NTRK2: variants seen among roughly 807,000 people sequenced by gnomAD.
NTRK2 encodes BDNF/NT-3 growth factors receptor.
Under a neutral mutation model 94.5 loss-of-function variants are expected in NTRK2, and 13 were observed. That is an observed-to-expected ratio of 0.14 (90% CI 0.09 to 0.22). The LOEUF (loss-of-function observed/expected upper bound fraction) is 0.22. NTRK2 is among the 10% of genes least tolerant of loss of function. The pLI is 1.00. For missense variants in NTRK2, 639 were observed against 1,071.2 expected (o/e 0.60, Z 5.63); for synonymous variants, 372 against 407.4 (o/e 0.91, Z 1.05).
At chr9:84,922,627 C>T (rs2077604823) in intron 14 of NTRK2, among the ~76,000 whole-genome samples, 1 of 152,102 alleles carries the variant, frequency 6.6e-6, no homozygotes, top group Non-Finnish European at 1.5e-5. Context: ...TACTACATCC[C>T]CAAAATGGGG....
chr9:84,792,194 AC>A (rs1394358827), intron 12 of NTRK2, among the ~76,000 whole-genome samples: 1 of 152,220 alleles, frequency 6.6e-6, no homozygotes, highest in African/African-American at 2.4e-5. Context: ...GTAGATCATG[AC>A]CCTTAATACA....
intron 14 of NTRK2, chr9:84,875,935 A>T: frequency 9.6e-7 from 1 of 1,037,930 alleles, no homozygotes; most frequent in Non-Finnish European, 1.2e-6. Context: ...AGTTCCTGTG[A>T]TGTAAGAGAT....
intron 6 of NTRK2, among the ~76,000 whole-genome samples, chr9:84,714,974 C>A (rs1226628672): frequency 6.6e-6 from 1 of 152,126 alleles, no homozygotes; most frequent in Non-Finnish European, 1.5e-5. Flanking sequence ...AAAAGAAGAG[C>A]TGCTGAGATT....
intron 14 of NTRK2, among the ~76,000 whole-genome samples, chr9:84,897,860 G>T (rs888469418): frequency 1.3e-5 from 2 of 152,114 alleles, no homozygotes; most frequent in Admixed American, 6.5e-5. Flanking sequence ...AACTGAAAAG[G>T]CCTGTGAGCA....
At chr9:84,772,766 G>A (rs2066680009) in intron 12 of NTRK2, among the ~76,000 whole-genome samples, 1 of 152,164 alleles carries the variant, frequency 6.6e-6, no homozygotes, top group Admixed American at 6.5e-5. Flanking sequence ...AGAGATCTCT[G>A]CACAGACGAG....
At chr9:84,975,793 C>CACAAT (rs139678037) in intron 17 of NTRK2, among the ~76,000 whole-genome samples, 15,463 of 152,000 alleles carry the variant, frequency 0.1, 1,044 homozygotes, top group East Asian at 0.37. Context: ...ATTGTATTCA[C>CACAAT]ACAATACAAT....
At position 84,870,331 on chromosome 9, in the gene NTRK2, G is replaced by GTGTGTGTGTGTGTATA. The variant is rs1349303529; in HGVS notation, c.1633+2901_1633+2902insGTGTGTGTGTGTATAT. On this transcript the variant is annotated intron_variant, in intron 14 of 18. Transcript: ENST00000277120. ...ATACATATATGTGGGGTGTGTGTGT[G>GTGTGTGTGTGTGTATA]TATATATATATATATATATATATAT... is the stretch of plus-strand genomic sequence containing the variant. Among the ~76,000 whole-genome samples the GTGTGTGTGTGTGTATA allele has an allele frequency of 4.2e-4, 13 of 31,180 alleles. 1 individual carries two copies. Among genetic ancestry groups the GTGTGTGTGTGTGTATA allele is most frequent in the Admixed American group, 1.1e-3 (2 of 1,778 alleles). 20.5% of individuals were successfully genotyped at this position (31,180 alleles called of 152,430 possible). A position where few individuals can be genotyped will look rare whatever the true frequency, so the allele number is the denominator to read the frequency against.
At chr9:84,941,347 T>C (rs2078402018) in intron 15 of NTRK2, among the ~76,000 whole-genome samples, 1 of 152,242 alleles carries the variant, frequency 6.6e-6, no homozygotes, top group Non-Finnish European at 1.5e-5. Context: ...TCCCAGTAAT[T>C]TCAACTTTAG....
chr9:84,744,316 G>GTGGATC lies in NTRK2; in HGVS notation c.1196-655_1196-650dup, dbSNP rs1199932437. Among the ~76,000 whole-genome samples, 12 of 152,306 alleles carry GTGGATC rather than the reference G, an allele frequency of 7.9e-5. No individual in the cohort carries two copies. The South Asian group carries it at 2.5e-3, about 32-fold the overall frequency. On this transcript the variant is annotated intron_variant, in intron 10 of 18. Transcript: ENST00000277120. ...GAGCGTTAACAATTCTAAGTATTGTGTGGATCTACCTTTTAATCATTCTGA... is the reference window on the plus strand; with the variant it reads ...GAGCGTTAACAATTCTAAGTATTGTGTGGATCTGGATCTACCTTTTAATCATTCTGA...
chr9:84,776,394 A>T (rs1325774617), intron 12 of NTRK2, among the ~76,000 whole-genome samples: 1 of 151,888 alleles, frequency 6.6e-6, no homozygotes, highest in Non-Finnish European at 1.5e-5. Context: ...GCTAATTTTT[A>T]TATTTTTAGT....
chr9:84,831,481 G>T (rs184155149), intron 12 of NTRK2, among the ~76,000 whole-genome samples: 1 of 152,152 alleles, frequency 6.6e-6, no homozygotes, highest in South Asian at 2.1e-4. Flanking sequence ...TATGCCCGTG[G>T]TACATTGGTG....
chr9:84,842,269 C>T (rs1233434434), intron 12 of NTRK2, among the ~76,000 whole-genome samples: 2 of 152,192 alleles, frequency 1.3e-5, no homozygotes, highest in Non-Finnish European at 2.9e-5. Context: ...CTTTACTCTT[C>T]ACCCTCCTGA....
intron 9 of NTRK2, among the ~76,000 whole-genome samples, chr9:84,731,809 A>G (rs2062911488): frequency 6.6e-6 from 1 of 152,068 alleles, no homozygotes; most frequent in Non-Finnish European, 1.5e-5. Flanking sequence ...CCAGCAAACC[A>G]AGATCCCCGT....
chr9:85,000,947 T>G (rs1307970910), intron 17 of NTRK2, among the ~76,000 whole-genome samples: 1 of 152,256 alleles, frequency 6.6e-6, no homozygotes, highest in Non-Finnish European at 1.5e-5. Flanking sequence ...TTCTGGATTT[T>G]AGCCATTCTA....
chr9:84,961,873 C>A (rs1032314704), intron 17 of NTRK2, among the ~76,000 whole-genome samples: 1 of 152,164 alleles, frequency 6.6e-6, no homozygotes, highest in African/African-American at 2.4e-5. Context: ...AAGATATAGA[C>A]CCTAAATTGT....
intron 14 of NTRK2, among the ~76,000 whole-genome samples, chr9:84,890,891 G>C (rs1199737245): frequency 6.6e-6 from 1 of 152,232 alleles, no homozygotes; most frequent in East Asian, 1.9e-4. Flanking sequence ...AGAAGTCTGA[G>C]ACTATAACTC....
rs965337936 is a variant in NTRK2, at chr9:84,697,206, G to T, written c.213-4953G>T. On this transcript the variant is annotated intron_variant, in intron 2 of 18. Transcript: ENST00000277120. Reference sequence around the variant, plus strand: ...GCATGCAAGCAACGTCTGCAGGCTGGGGGGTGGAGGGAAGCTCAATTTTCT... The same window carrying T: ...GCATGCAAGCAACGTCTGCAGGCTGTGGGGTGGAGGGAAGCTCAATTTTCT... Among the ~76,000 whole-genome samples the T allele has an allele frequency of 2.6e-5, 4 of 152,304 alleles. No individual in the cohort carries two copies. The East Asian group carries it at 7.7e-4, about 29-fold the overall frequency.
At chr9:84,765,008 A>T (rs1320451115) in intron 12 of NTRK2, among the ~76,000 whole-genome samples, 1 of 152,182 alleles carries the variant, frequency 6.6e-6, no homozygotes. Context: ...ATAAAAGCCA[A>T]AACAATTGAA....
At chr9:84,868,779 T>A (rs2075710209) in intron 14 of NTRK2, among the ~76,000 whole-genome samples, 1 of 151,944 alleles carries the variant, frequency 6.6e-6, no homozygotes, top group Admixed American at 6.6e-5. Flanking sequence ...AAATAAGGAG[T>A]AAGACTAAGC....
Sources: allele counts gnomAD v4.1 joint callset (sites outside exome capture counted in the v4.1 genomes callset), GRCh38; gene constraint gnomAD v4.1.1; transcripts MANE v1.5; gene names NCBI Gene and HGNC (gene_info 2026-07-23, HGNC 2026-07-21).